The following ENO3 variants were observed in gnomAD, a reference collection of about 807,000 sequenced individuals.
The protein encoded by ENO3 is beta-enolase.
ENO3 carries 46 observed loss-of-function variants against 47.7 expected under a neutral mutation model. That is an observed-to-expected ratio of 0.96 (90% CI 0.76 to 1.23). The LOEUF (loss-of-function observed/expected upper bound fraction) is 1.23, where lower values mean the gene tolerates loss of function less well. Among genes scored for constraint, ENO3 ranks in the 50% most tolerant of loss-of-function variants. The pLI is 0.00. For missense variants in ENO3, 575 were observed against 566.2 expected (o/e 1.02, Z -0.16); for synonymous variants, 223 against 225.9 (o/e 0.99, Z 0.11).
intron 3 of ENO3, 76 bp downstream of exon 3, chr17:4,952,966 A>C: frequency 6.2e-7 from 1 of 1,610,020 alleles, no homozygotes; most frequent in Non-Finnish European, 8.5e-7. Context: ...AGAGGACTGG[A>C]ACCCCCAAGG....
At position 4,956,069 on chromosome 17, in the gene ENO3, C is replaced by T. The variant is rs2230257; in HGVS notation, c.993C>T (p.Ala331=). The part of the protein sequence containing the change: ...TVTNPKRIAQ[A]VEKKACNCLL... Reference sequence around the variant, plus strand: ...CCAACCCCAAGAGGATTGCCCAGGCCGTTGAGAAGAAGGCCTGCAACTGTC... The same window carrying T: ...CCAACCCCAAGAGGATTGCCCAGGCTGTTGAGAAGAAGGCCTGCAACTGTC... The change falls in exon 9 of 12, where the codon GCC becomes GCT. Residue 331 remains alanine, a synonymous_variant. Coordinates refer to ENST00000519602, the MANE Select transcript of ENO3 (RefSeq NM_053013.4). 2.9e-3 allele frequency: 4,728 copies of T among 1,614,034 alleles called. 102 individuals are homozygous for T. In the African/African-American group the frequency reaches 0.051, roughly 17 times the overall value.
chr17:4,953,393 A>C (rs1971613268), intron 5 of ENO3, 52 bp downstream of exon 5: 1 of 1,611,004 alleles, frequency 6.2e-7, no homozygotes, highest in Non-Finnish European at 8.5e-7. Flanking sequence ...AGAGATGGCG[A>C]GAGGCCATGG....
Position 4,956,822 on chromosome 17 carries a change from C to T in ENO3, c.1177-9C>T, listed in dbSNP as rs758742251. ...CACCTAACCCTCCAAATTCTTCTTC[C>T]CTCATCAGATCAAGACTGGCGCCCC... is the stretch of plus-strand genomic sequence containing the variant. On this transcript the variant is annotated splice_polypyrimidine_tract_variant and intron_variant, in intron 10 of 11. Coordinates refer to ENST00000519602, the MANE Select transcript of ENO3 (RefSeq NM_053013.4). 1.9e-6 allele frequency: 3 copies of T among 1,614,106 alleles called. No homozygotes were observed. The highest frequency in any genetic ancestry group is 2.5e-6 in the Non-Finnish European group (3 of 1,180,054).
Position 4,955,204 on chromosome 17 carries a change from C to T in ENO3, c.574C>T (p.Leu192Phe), listed in dbSNP as rs773275381. Reference sequence around the variant, plus strand: ...CATTGGCGCCGAGGTCTACCACCACCTCAAGGGGGTCATCAAGGCCAAGTA... The same window carrying T: ...CATTGGCGCCGAGGTCTACCACCACTTCAAGGGGGTCATCAAGGCCAAGTA... ...MRIGAEVYHHLKGVIKAKYGK... is the reference protein window; with the variant it reads ...MRIGAEVYHHFKGVIKAKYGK... Residue 192 changes from leucine to phenylalanine, a missense_variant, in exon 7 of 12, where the codon CTC (leucine) becomes TTC (phenylalanine). Physicochemically the swap from Leu to Phe is conservative, Grantham distance 22. Coordinates refer to ENST00000519602, the MANE Select transcript of ENO3 (RefSeq NM_053013.4). 3.1e-6 allele frequency: 5 copies of T among 1,614,294 alleles called. No individual in the cohort carries two copies. The East Asian group carries it at 8.9e-5, about 29-fold the overall frequency.
Position 4,953,214 on chromosome 17 carries a change from T to G in ENO3, c.241-58T>G. 48 of 1,613,000 alleles carry G rather than the reference T, an allele frequency of 3.0e-5. 1 individual carries two copies. The highest frequency in any genetic ancestry group is 4.1e-5 in the Non-Finnish European group (48 of 1,178,900). On this transcript the variant is annotated intron_variant, in intron 4 of 11. Coordinates refer to ENST00000519602, the MANE Select transcript of ENO3 (RefSeq NM_053013.4). ...TTTTCCCTTATCCTTCCCCTGCATGTGCCCTGACTTCTGAGAAATCTGACC... is the reference window on the plus strand; with the variant it reads ...TTTTCCCTTATCCTTCCCCTGCATGGGCCCTGACTTCTGAGAAATCTGACC...
In ENO3 at chr17:4,956,115, A is replaced by C; in HGVS notation, c.1039A>C (p.Ile347Leu). The C allele has an allele frequency of 6.2e-7, 1 of 1,613,234 alleles. No individual in the cohort carries two copies. ...CNCLLLKVNQ[I>L]GSVTESIQAC... The stretch of plus-strand genomic sequence containing the variant: ...CTGTCTGCTGCTGAAGGTCAACCAG[A>C]TCGGCTCGGTGACCGAATCGATCCA... The change falls in exon 9 of 12, where the codon ATC becomes CTC. Residue 347 changes from isoleucine to leucine, a missense_variant. Transcript: ENST00000519602.
At chr17:4,956,442 C>G in intron 9 of ENO3, 131 bp from the exon 10 acceptor site, 1 of 926,606 alleles carries the variant, frequency 1.1e-6, no homozygotes, top group South Asian at 1.3e-5. Flanking sequence ...CTCCTACTTC[C>G]CAAAGAACTT....
At chr17:4,951,504 C>T (rs1346345228) in intron 1 of ENO3, among the ~76,000 whole-genome samples, 1 of 152,042 alleles carries the variant, frequency 6.6e-6, no homozygotes, top group African/African-American at 2.4e-5. Flanking sequence ...GGCCACCAGC[C>T]ATGGAGAACA....
At chr17:4,951,952 A>AC in intron 2 of ENO3, 38 bp downstream of exon 2, 1 of 1,609,182 alleles carries the variant, frequency 6.2e-7, no homozygotes, top group Non-Finnish European at 8.5e-7. Context: ...GCCTCCGAAG[A>AC]CCCCAACCCT....
upstream of ENO3, chr17:4,949,049 G>C (rs892852612): frequency 1.3e-5 from 2 of 151,852 alleles, no homozygotes; most frequent in Admixed American, 6.6e-5. Context: ...CCGGCTGCAC[G>C]GGAGCGCGCC....
rs1971599196 is a variant in ENO3, at chr17:4,953,049, A to G, written c.182-2A>G. Reference sequence around the variant, plus strand: ...CCAAAACTCATCCTCTGGCCTGTCTAGGAGTCCTGAAGGCTGTGGAGAACA... The same window carrying G: ...CCAAAACTCATCCTCTGGCCTGTCTGGGAGTCCTGAAGGCTGTGGAGAACA... On this transcript the variant is annotated splice_acceptor_variant, in intron 3 of 11. Coordinates refer to ENST00000519602, the MANE Select transcript of ENO3 (RefSeq NM_053013.4). LOFTEE classifies it high-confidence loss of function. The G allele has an allele frequency of 1.9e-6, 3 of 1,614,230 alleles. No homozygotes were observed. Among genetic ancestry groups the G allele is most frequent in the East Asian group, 4.5e-5 (2 of 44,884 alleles).
intron 1 of ENO3, chr17:4,951,615 G>C (rs1359581249): frequency 8.8e-6 from 5 of 569,346 alleles, no homozygotes; most frequent in Non-Finnish European, 1.6e-5. Context: ...TAGATAAGAG[G>C]CCCCTGGATT....
Position 4,955,491 on chromosome 17 carries a change from T to C in ENO3, c.752T>C (p.Phe251Ser), listed in dbSNP as rs1971694025. The C allele has an allele frequency of 6.2e-7, 1 of 1,614,098 alleles. No homozygotes were observed. Among genetic ancestry groups the C allele is most frequent in the Admixed American group, 1.7e-5 (1 of 60,000 alleles). ...GGCATGGATGTGGCAGCATCTGAGT[T>C]CTATCGCAATGGGAAGTACGATCTT... ...VIGMDVAASE[F>S]YRNGKYDLDF... is the part of the protein sequence containing the mutation. Residue 251 changes from phenylalanine to serine, a missense_variant, in exon 8 of 12, where the codon TTC becomes TCC. Coordinates refer to ENST00000519602, the MANE Select transcript of ENO3 (RefSeq NM_053013.4).
At chr17:4,954,178 G>T (rs962455011) in intron 6 of ENO3, 46 of 412,748 alleles carry the variant, frequency 1.1e-4, no homozygotes, top group Non-Finnish European at 1.6e-4. Flanking sequence ...GCATTTCTTT[G>T]TATCTTCTTG....
chr17:4,949,289 T>C (rs927159761), upstream of ENO3: 1 of 152,356 alleles, frequency 6.6e-6, no homozygotes, highest in East Asian at 1.9e-4. Context: ...TCTCGGGTCG[T>C]GCAGGTTGGG....
rs1971675855 is a variant in ENO3 at position 4,955,105 on chromosome 17, G to T, written c.475G>T (p.Ala159Ser). 2 of 1,611,736 alleles carry T rather than the reference G, an allele frequency of 1.2e-6. No homozygotes were observed. Among genetic ancestry groups the T allele is most frequent in the Non-Finnish European group, 1.7e-6 (2 of 1,178,528 alleles). ...CAATGTGATCAACGGGGGCTCCCAT[G>T]CTGGAAACAAGCTGGCCATGCAGGA... ...AFNVINGGSHAGNKLAMQEFM... is the reference protein window; with the variant it reads ...AFNVINGGSHSGNKLAMQEFM... Residue 159 changes from alanine to serine, a missense_variant, in exon 7 of 12, where the codon GCT becomes TCT. By Grantham distance (99) the Ala-to-Ser change is moderately conservative. Transcript: ENST00000519602.
chr17:4,950,076 G>A (rs1456356864), upstream of ENO3: 2 of 151,958 alleles, frequency 1.3e-5, no homozygotes, highest in Non-Finnish European at 2.9e-5. Context: ...GGCGGGGCGG[G>A]GAGCAGGGGT....
At chr17:4,948,712 A>G (rs1258309240), upstream of ENO3, 3 of 361,330 alleles carry the variant, frequency 8.3e-6, no homozygotes, top group South Asian at 8.4e-5. Context: ...CAAAATTTGC[A>G]GAGTTCGATG....
chr17:4,955,328 C>G (rs1450804190), intron 7 of ENO3, 31 bp downstream of exon 7: 1 of 1,612,392 alleles, frequency 6.2e-7, no homozygotes, highest in East Asian at 2.2e-5. Flanking sequence ...GGGGCAGACC[C>G]CCTGGATCTC....
Sources: gnomAD v4.1 joint callset for allele counts (sites outside exome capture counted in the v4.1 genomes callset) on GRCh38, gnomAD v4.1.1 for gene constraint, MANE v1.5 for transcripts, NCBI Gene and HGNC (gene_info 2026-07-23, HGNC 2026-07-21) for gene names.